The following STK31 variants were observed in gnomAD, a reference collection of about 807,000 sequenced individuals.
STK31 encodes serine/threonine kinase 31.
In STK31, 89 loss-of-function variants were observed where a neutral mutation model predicts 129.7. The observed-to-expected ratio is 0.69, with a 90% CI of 0.58 to 0.82. The LOEUF (loss-of-function observed/expected upper bound fraction) is 0.82. Ranked by LOEUF, STK31 falls within the 40% of genes least tolerant of loss-of-function variation. The pLI is 0.00. For synonymous variants in STK31, 448 were observed against 395.3 expected (o/e 1.13, Z -1.58); for missense variants, 1,187 against 1,176.4 (o/e 1.01, Z -0.13).
At chr7:23,827,339 C>T (rs1794225802) in intron 23 of STK31, among the ~76,000 whole-genome samples, 1 of 152,180 alleles carries the variant, frequency 6.6e-6, no homozygotes, top group African/African-American at 2.4e-5. Context: ...CACTTCATTT[C>T]ATTCATTTCA....
intron 23 of STK31, among the ~76,000 whole-genome samples, chr7:23,820,946 G>A (rs1344404994): frequency 6.6e-6 from 1 of 152,130 alleles, no homozygotes; most frequent in African/African-American, 2.4e-5. Flanking sequence ...ATTGATGGAC[G>A]CTTAGGTTGG....
chr7:23,735,992 G>GC, intron 7 of STK31, 96 bp downstream of exon 7: 2 of 1,026,806 alleles, frequency 1.9e-6, no homozygotes, highest in South Asian at 2.0e-5. Context: ...ATCCTTTACT[G>GC]TGTCAGTGAT....
intron 23 of STK31, among the ~76,000 whole-genome samples, chr7:23,825,499 A>G (rs986834816): frequency 3.3e-5 from 5 of 151,490 alleles, no homozygotes; most frequent in African/African-American, 1.2e-4. Flanking sequence ...TTTCTTCTTT[A>G]TTAGTCTTGC....
At chr7:23,721,208 C>G (rs756587096) in intron 4 of STK31, 1 of 352,386 alleles carries the variant, frequency 2.8e-6, no homozygotes, top group Non-Finnish European at 5.2e-6. Flanking sequence ...CTATAATTCG[C>G]TCTGATGAAA....
At chr7:23,820,913 A>G (rs898712004) in intron 23 of STK31, among the ~76,000 whole-genome samples, 3 of 152,152 alleles carry the variant, frequency 2.0e-5, no homozygotes, top group African/African-American at 7.2e-5. Flanking sequence ...ATAGTGTTCC[A>G]CATTGTCTTT....
intron 9 of STK31, 125 bp downstream of exon 9, chr7:23,752,957 A>T: frequency 1.6e-6 from 1 of 636,572 alleles, no homozygotes; most frequent in Non-Finnish European, 2.7e-6. Context: ...TATGACTTCA[A>T]AGAGAGAAAG....
At chr7:23,791,568 CACTGTTTACCCATGTA>C (rs1174496550) in intron 22 of STK31, among the ~76,000 whole-genome samples, 1 of 152,130 alleles carries the variant, frequency 6.6e-6, no homozygotes, top group Non-Finnish European at 1.5e-5. Context: ...TCCCATGACA[CACTGTTTACCCATGTA>C]ACAAACCTGC....
Position 23,729,088 on chromosome 7 carries a change from C to A in STK31, c.325-3C>A. ...ATTCGTATTTGTCTCTTATTTTTTC[C>A]AGTGTCTGGTGAGGTACATTGACTA... On this transcript the variant is annotated splice_polypyrimidine_tract_variant and splice_region_variant and intron_variant, in intron 5 of 23. Coordinates refer to ENST00000355870, the MANE Select transcript of STK31 (RefSeq NM_031414.5). The A allele has an allele frequency of 6.3e-7, 1 of 1,580,126 alleles. No homozygotes were observed. The highest frequency in any genetic ancestry group is 1.2e-5 in the South Asian group (1 of 84,842).
At chr7:23,827,560 A>G (rs912886300) in intron 23 of STK31, among the ~76,000 whole-genome samples, 1 of 151,548 alleles carries the variant, frequency 6.6e-6, no homozygotes, top group African/African-American at 2.4e-5. Context: ...TTTAGCTTGG[A>G]GTAGTTTGAT....
At chr7:23,827,910 A>G (rs903766083) in intron 23 of STK31, among the ~76,000 whole-genome samples, 2 of 152,122 alleles carry the variant, frequency 1.3e-5, no homozygotes, top group East Asian at 1.9e-4. Flanking sequence ...AGAACAGTGG[A>G]TACTGGTGAA....
intron 4 of STK31, among the ~76,000 whole-genome samples, chr7:23,723,147 C>T (rs894595302): frequency 2.6e-5 from 4 of 152,174 alleles, no homozygotes; most frequent in African/African-American, 2.4e-5. Context: ...TCTTCTGCGT[C>T]GCTCACACTG....
Position 23,762,751 on chromosome 7 carries a change from G to A in STK31, c.1294-50G>A, listed in dbSNP as rs373560405. ...ACTTTTTTTCATATAGGTCATATGC[G>A]GAAAAGACCTGATGTATTAATGATG... On this transcript the variant is annotated intron_variant, in intron 10 of 23. Coordinates refer to ENST00000355870, the MANE Select transcript of STK31 (RefSeq NM_031414.5). 1.4e-4 allele frequency: 216 copies of A among 1,588,840 alleles called. 1 individual carries two copies. The Middle Eastern group carries it at 3.0e-3, about 22-fold the overall frequency.
chr7:23,792,853 CT>C (rs1430066214), intron 22 of STK31, among the ~76,000 whole-genome samples: 2 of 152,158 alleles, frequency 1.3e-5, no homozygotes, highest in African/African-American at 2.4e-5. Flanking sequence ...TGAGCACCCC[CT>C]GTCTCTACAA....
At chr7:23,796,221 C>G (rs1361021967) in intron 22 of STK31, among the ~76,000 whole-genome samples, 1 of 152,174 alleles carries the variant, frequency 6.6e-6, no homozygotes, top group East Asian at 1.9e-4. Flanking sequence ...GACTTTAGCC[C>G]TATGCCTGCA....
intron 22 of STK31, among the ~76,000 whole-genome samples, chr7:23,806,461 A>G (rs1316683996): frequency 1.3e-5 from 2 of 152,208 alleles, no homozygotes; most frequent in African/African-American, 4.8e-5. Context: ...AGTGCCTCTC[A>G]GGAATATGCT....
At chr7:23,776,609 G>A (rs543145685) in intron 15 of STK31, among the ~76,000 whole-genome samples, 4 of 152,196 alleles carry the variant, frequency 2.6e-5, no homozygotes, top group Non-Finnish European at 4.4e-5. Context: ...TTTTCTAGTC[G>A]ATTTGCATAG....
At chr7:23,759,273 A>G (rs929449243) in intron 10 of STK31, among the ~76,000 whole-genome samples, 1 of 152,242 alleles carries the variant, frequency 6.6e-6, no homozygotes, top group Admixed American at 6.5e-5. Flanking sequence ...CTCTCTATCA[A>G]GTGGACCTGA....
intron 15 of STK31, among the ~76,000 whole-genome samples, chr7:23,773,064 C>CT (rs1411670390): frequency 1.3e-5 from 2 of 152,058 alleles, no homozygotes; most frequent in African/African-American, 4.8e-5. Flanking sequence ...TTTTGTTATA[C>CT]TTTAAGTTCT....
chr7:23,730,856 TTA>T (rs201160478), intron 6 of STK31, among the ~76,000 whole-genome samples: 1,869 of 75,150 alleles, frequency 0.025, 94 homozygotes, highest in Middle Eastern at 0.054. Context: ...ATATAAACAT[TTA>T]TATATATATA....
Sources: gnomAD v4.1 joint callset for allele counts (sites outside exome capture counted in the v4.1 genomes callset) on GRCh38, gnomAD v4.1.1 for gene constraint, MANE v1.5 for transcripts, NCBI Gene and HGNC (gene_info 2026-07-23, HGNC 2026-07-21) for gene names.